POF1B: variants seen among roughly 807,000 people sequenced by gnomAD.
POF1B encodes POF1B actin binding protein, also known as protein POF1B.
A neutral mutation model predicts 55.3 loss-of-function variants in POF1B; 53 were observed. That is an observed-to-expected ratio of 0.96 (90% CI 0.77 to 1.20). The LOEUF is 1.20. Ranked by LOEUF, POF1B falls within the 50% of genes most tolerant of loss-of-function variation. POF1B has a pLI of 0.00. For missense variants in POF1B, 478 were observed against 420.5 expected (o/e 1.14, Z -1.20); for synonymous variants, 188 against 148.3 (o/e 1.27, Z -1.95).
chrX:85,320,646 C>T (rs1183990705), intron 7 of POF1B, among the ~76,000 whole-genome samples: 1 of 111,376 alleles, frequency 9.0e-6, no homozygotes, highest in East Asian at 2.8e-4. Context: ...ATTAATGAAT[C>T]CAGGAGCTGA....
chrX:85,334,440 CATG>C (rs1474341155), intron 6 of POF1B, among the ~76,000 whole-genome samples: 1 of 111,355 alleles, frequency 9.0e-6, no homozygotes, highest in Non-Finnish European at 1.9e-5. Context: ...ATACACAAAA[CATG>C]ATAATTTTCT....
chrX:85,283,855 C>A (rs999676217), intron 15 of POF1B, among the ~76,000 whole-genome samples: 2 of 111,281 alleles, frequency 1.8e-5, no homozygotes, highest in Middle Eastern at 4.7e-3. Flanking sequence ...CAAAAAACTT[C>A]TCAGTCACAA....
chrX:85,292,693 T>G (rs949884861), intron 15 of POF1B, among the ~76,000 whole-genome samples: 2 of 111,276 alleles, frequency 1.8e-5, no homozygotes, highest in African/African-American at 3.3e-5. Flanking sequence ...GTCCAGGAAT[T>G]AATCCTGGAC....
At chrX:85,350,723 AAC>A (rs1381865350) in intron 5 of POF1B, among the ~76,000 whole-genome samples, 6 of 111,150 alleles carry the variant, frequency 5.4e-5, no homozygotes, top group Non-Finnish European at 7.6e-5. Context: ...TGCAGCCAAA[AAC>A]ACATGAAAAA....
chrX:85,338,974 A>G (rs902608084), intron 6 of POF1B, among the ~76,000 whole-genome samples: 1 of 111,384 alleles, frequency 9.0e-6, no homozygotes, highest in Non-Finnish European at 1.9e-5. Flanking sequence ...TCCATACAAA[A>G]GTAGTAGCAA....
Position 85,279,298 on chromosome X carries a change from G to T in POF1B, c.*123C>A. The T allele has an allele frequency of 1.5e-6, 1 of 676,223 alleles. No individual in the cohort carries two copies. The highest frequency in any genetic ancestry group is 2.2e-6 in the Non-Finnish European group (1 of 445,475). The allele number at this position is 676,223 out of a possible 1,213,427, so 55.7% of individuals were successfully genotyped here. The stretch of plus-strand genomic sequence containing the variant: ...TAATTCATTCCATTAGATTTCTTGG[G>T]TAGCAGCATGGTTCCAAATTCTGAT... On this transcript the variant is annotated 3_prime_UTR_variant, in exon 17 of 17. Coordinates refer to ENST00000262753, the MANE Select transcript of POF1B (RefSeq NM_024921.4).
intron 6 of POF1B, among the ~76,000 whole-genome samples, chrX:85,345,008 A>G (rs1933242929): frequency 9.0e-6 from 1 of 111,634 alleles, no homozygotes; most frequent in African/African-American, 3.2e-5. Context: ...TCAAAATTTC[A>G]GTTCTTAGAA....
intron 6 of POF1B, among the ~76,000 whole-genome samples, chrX:85,331,573 T>A (rs912037386): frequency 9.0e-6 from 1 of 111,415 alleles, no homozygotes; most frequent in African/African-American, 3.3e-5. Flanking sequence ...ACAATAATCA[T>A]TTCTTCATGG....
intron 2 of POF1B, among the ~76,000 whole-genome samples, chrX:85,378,828 G>A (rs895164242): frequency 1.8e-5 from 2 of 112,239 alleles, no homozygotes; most frequent in African/African-American, 6.5e-5. Flanking sequence ...TAATCAGTAG[G>A]AACTTGTTCT....
chrX:85,329,388 T>C (rs1356574165), intron 7 of POF1B, among the ~76,000 whole-genome samples: 2 of 111,410 alleles, frequency 1.8e-5, no homozygotes, highest in African/African-American at 3.3e-5. Context: ...AAGTTGAAGA[T>C]AGAAATCATG....
intron 15 of POF1B, among the ~76,000 whole-genome samples, chrX:85,286,532 A>G (rs1932058905): frequency 9.0e-6 from 1 of 111,649 alleles, no homozygotes. Context: ...TACACATGCT[A>G]TTTACAAAAA....
intron 15 of POF1B, among the ~76,000 whole-genome samples, chrX:85,299,437 C>T (rs1215131620): frequency 3.8e-5 from 4 of 105,459 alleles, no homozygotes; most frequent in Admixed American, 1.0e-4. Context: ...TACAGGCGCC[C>T]GCTACCACGC....
At chrX:85,283,258 TTAG>T (rs1931950287) in intron 15 of POF1B, among the ~76,000 whole-genome samples, 1 of 110,537 alleles carries the variant, frequency 9.0e-6, no homozygotes, top group Non-Finnish European at 1.9e-5. Flanking sequence ...GAAATATAAA[TTAG>T]TAGAAACAGA....
At chrX:85,322,170 A>G (rs930898625) in intron 7 of POF1B, among the ~76,000 whole-genome samples, 2 of 111,576 alleles carry the variant, frequency 1.8e-5, no homozygotes, top group African/African-American at 3.3e-5. Flanking sequence ...GGCTGGAGGT[A>G]TCATGCTACC....
At chrX:85,311,841 T>A (rs1379955007) in intron 9 of POF1B, among the ~76,000 whole-genome samples, 1 of 111,943 alleles carries the variant, frequency 8.9e-6, no homozygotes, top group East Asian at 2.8e-4. Flanking sequence ...AGCATCTGTT[T>A]TTTCCTGACT....
intron 5 of POF1B, among the ~76,000 whole-genome samples, chrX:85,348,397 T>G (rs1368600754): frequency 9.0e-6 from 1 of 111,377 alleles, no homozygotes; most frequent in Non-Finnish European, 1.9e-5. Flanking sequence ...TTATGATGAG[T>G]ACAAATCATA....
intron 6 of POF1B, among the ~76,000 whole-genome samples, chrX:85,336,024 C>G (rs897655597): frequency 1.8e-5 from 2 of 110,454 alleles, no homozygotes; most frequent in East Asian, 2.9e-4. Flanking sequence ...TTCTCAACCT[C>G]TGGTAACCAT....
At chrX:85,350,205 C>A (rs1202363933) in intron 5 of POF1B, among the ~76,000 whole-genome samples, 8 of 106,719 alleles carry the variant, frequency 7.5e-5, no homozygotes, top group African/African-American at 2.7e-4. Flanking sequence ...CACAACAGTC[C>A]CCAGAGTGTG....
chrX:85,299,671 A>T (rs112340171), intron 15 of POF1B, among the ~76,000 whole-genome samples: 7,053 of 87,701 alleles, frequency 0.08, 712 homozygotes, highest in African/African-American at 0.27. Flanking sequence ...CGCCTGGCTA[A>T]TTTTTTTTTT....
Sources: allele counts gnomAD v4.1 joint callset (sites outside exome capture counted in the v4.1 genomes callset), GRCh38; gene constraint gnomAD v4.1.1; transcripts MANE v1.5; gene names NCBI Gene and HGNC (gene_info 2026-07-23, HGNC 2026-07-21).